The following PALD1 variants were observed in gnomAD, a reference collection of about 807,000 sequenced individuals.
PALD1 encodes phosphatase domain containing paladin 1, also known as paladin.
Under a neutral mutation model 96.0 loss-of-function variants are expected in PALD1, and 57 were observed. The observed-to-expected ratio is 0.59, with a 90% confidence interval of 0.48 to 0.74. The LOEUF is 0.74. Ranked by LOEUF, PALD1 falls within the 30% of genes least tolerant of loss-of-function variation. The probability of loss-of-function intolerance (pLI) is 0.00; values close to 1 mark genes in which losing one functional copy is unlikely to be tolerated. For synonymous variants in PALD1, 464 were observed against 473.6 expected, an observed-to-expected ratio of 0.98 and a Z score of 0.26; for missense variants, 1,063 against 1,143.7, an observed-to-expected ratio of 0.93 and a Z score of 1.02.
intron 19 of PALD1, among the ~76,000 whole-genome samples, chr10:70,566,060 C>G (rs1847842857): frequency 1.3e-5 from 2 of 152,164 alleles, no homozygotes; most frequent in African/African-American, 4.8e-5. Context: ...TAAGTGGAGG[C>G]TGCACCCTCC....
chr10:70,480,607 C>G (rs1223772481), intron 1 of PALD1, among the ~76,000 whole-genome samples: 1 of 152,244 alleles, frequency 6.6e-6, no homozygotes, highest in African/African-American at 2.4e-5. Flanking sequence ...CTCATTGTCC[C>G]TGGCAGGTTT....
chr10:70,545,306 G>A (rs1339354131), intron 17 of PALD1, among the ~76,000 whole-genome samples: 4 of 152,222 alleles, frequency 2.6e-5, no homozygotes, highest in South Asian at 2.1e-4. Flanking sequence ...ATCAAAGCCC[G>A]GGGATTATAC....
intron 1 of PALD1, among the ~76,000 whole-genome samples, chr10:70,499,098 C>T (rs1846247387): frequency 6.6e-6 from 1 of 152,122 alleles, no homozygotes; most frequent in African/African-American, 2.4e-5. Flanking sequence ...TTAACATTAT[C>T]CTTATTTTAC....
At chr10:70,561,969 G>A (rs1388551959) in intron 18 of PALD1, among the ~76,000 whole-genome samples, 1 of 152,210 alleles carries the variant, frequency 6.6e-6, no homozygotes, top group Non-Finnish European at 1.5e-5. Context: ...CAGGGCCTGT[G>A]AGTAGTTCAT....
chr10:70,534,581 T>A, intron 9 of PALD1, 57 bp downstream of exon 9: 1 of 1,307,184 alleles, frequency 7.7e-7, no homozygotes, highest in Non-Finnish European at 1.1e-6. Context: ...CGGTCACTCC[T>A]CTCACTGGTC....
Position 70,526,244 on chromosome 10 carries a change from G to A in PALD1, c.185+108G>A, listed in dbSNP as rs1211841779. 7 of 872,780 alleles carry A rather than the reference G, an allele frequency of 8.0e-6. No homozygotes were observed. In the African/African-American group the frequency reaches 8.3e-5, roughly 10 times the overall value. The allele number at this position is 872,780 out of a possible 1,614,324, so 54.1% of individuals were successfully genotyped here. On this transcript the variant is annotated intron_variant, in intron 2 of 19. Transcript: ENST00000263563. ...CACTTAACGCTTGCAGACTGGATTC[G>A]GGTTCATAGATGATGACACTGAGGC...
chr10:70,464,080 G>C, the PALD1 span, among the ~76,000 whole-genome samples: 119,535 of 152,156 alleles, frequency 0.79, 48,330 homozygotes, highest in Non-Finnish European at 0.9. Flanking sequence ...CCCTCGGGCC[G>C]CTCCCAGTCA....
At chr10:70,556,663 G>T (rs372416272) in intron 18 of PALD1, among the ~76,000 whole-genome samples, 1 of 152,268 alleles carries the variant, frequency 6.6e-6, no homozygotes, top group South Asian at 2.1e-4. Context: ...GGGCAAGCTG[G>T]TATTTCCATT....
At chr10:70,551,625 C>T (rs1439279627) in intron 18 of PALD1, among the ~76,000 whole-genome samples, 1 of 151,404 alleles carries the variant, frequency 6.6e-6, no homozygotes, top group Non-Finnish European at 1.5e-5. Context: ...ATTTCCTTTT[C>T]CTGGCCCCCT....
At chr10:70,497,811 G>A (rs1346358898) in intron 1 of PALD1, among the ~76,000 whole-genome samples, 6 of 152,086 alleles carry the variant, frequency 3.9e-5, no homozygotes, top group African/African-American at 1.2e-4. Flanking sequence ...TCCTGACCTC[G>A]TGATCTGCCC....
At chr10:70,520,357 A>C (rs561536444) in intron 1 of PALD1, among the ~76,000 whole-genome samples, 1 of 152,244 alleles carries the variant, frequency 6.6e-6, no homozygotes, top group Non-Finnish European at 1.5e-5. Flanking sequence ...CAAGATTGGA[A>C]TGGTGATGGT....
intron 1 of PALD1, among the ~76,000 whole-genome samples, chr10:70,479,609 A>ATACT (rs1176566795): frequency 2.0e-5 from 3 of 152,306 alleles, no homozygotes; most frequent in African/African-American, 7.2e-5. Flanking sequence ...AAGGGGCAGT[A>ATACT]ACCTGTCAGA....
At chr10:70,483,840 C>T (rs766730455) in intron 1 of PALD1, among the ~76,000 whole-genome samples, 3 of 152,152 alleles carry the variant, frequency 2.0e-5, no homozygotes, top group Non-Finnish European at 4.4e-5. Flanking sequence ...GATGTGTCCC[C>T]GGCTTTTTTT....
At chr10:70,564,272 C>T in intron 18 of PALD1, 92 bp from the exon 19 acceptor site, 2 of 1,364,532 alleles carry the variant, frequency 1.5e-6, no homozygotes, top group South Asian at 2.8e-5. Context: ...CTGGATCACC[C>T]TGCCCTGGCA....
At chr10:70,510,017 G>T (rs1846481296) in intron 1 of PALD1, among the ~76,000 whole-genome samples, 1 of 152,206 alleles carries the variant, frequency 6.6e-6, no homozygotes, top group Non-Finnish European at 1.5e-5. Context: ...AACTTCTAGT[G>T]GGGCTTTTTT....
Position 70,534,436 on chromosome 10 carries a change from C to T in PALD1, c.1034C>T (p.Thr345Met), listed in dbSNP as rs141167395. Residue 345 changes from threonine (T) to methionine (M), a missense_variant, in exon 9 of 20, where the codon ACG becomes ATG. Coordinates refer to ENST00000263563, the MANE Select transcript of PALD1 (RefSeq NM_014431.3). ...GTTSQPEAAPTQAKPLPMEQF... is the reference protein window; with the variant it reads ...GTTSQPEAAPMQAKPLPMEQF... ...CCCTGCCTCGACAGGGCTGCCCCCA[C>T]GCAGGCCAAGCCCCTGCCTATGGAG... is the stretch of plus-strand genomic sequence containing the variant. The T allele has an allele frequency of 1.7e-4, 278 of 1,609,306 alleles. 1 individual carries two copies. In the African/African-American group the frequency reaches 2.9e-3, roughly 17 times the overall value.
Position 70,515,512 on chromosome 10 carries a change from G to A in PALD1, c.-29-10411G>A, listed in dbSNP as rs140539159. 2.4e-4 allele frequency among the ~76,000 whole-genome samples: 37 copies of A among 152,368 alleles called. 1 individual carries two copies. The highest frequency in any genetic ancestry group is 7.5e-4 in the African/African-American group (31 of 41,588). On this transcript the variant is annotated intron_variant, in intron 1 of 19. Transcript: ENST00000263563. ...GGCCATTCACAGATGGCGCCTGGGCGAGGCCCCTGGTTCTAGTCCTGGTCC... is the reference window on the plus strand; with the variant it reads ...GGCCATTCACAGATGGCGCCTGGGCAAGGCCCCTGGTTCTAGTCCTGGTCC...
Position 70,538,373 on chromosome 10 carries a change from GT to G in PALD1, c.1418del (p.Val473GlyfsTer60), listed in dbSNP as rs752422119. ...CGTGACGCTGAGCTCAGCAGGCCCTGTGGCTCCGAGGGACCTCATCGCCAGG... is the reference window on the plus strand; with the variant it reads ...CGTGACGCTGAGCTCAGCAGGCCCTGGGCTCCGAGGGACCTCATCGCCAGG... ...LPVTLSSAGP[V>X]APRDLIARGS... On this transcript the variant is annotated frameshift_variant, in exon 12 of 20. Coordinates refer to ENST00000263563, the MANE Select transcript of PALD1 (RefSeq NM_014431.3). LOFTEE classifies it high-confidence loss of function. 2 of 1,611,528 alleles carry G rather than the reference GT, an allele frequency of 1.2e-6. No individual in the cohort carries two copies. Among genetic ancestry groups the G allele is most frequent in the Non-Finnish European group, 1.7e-6 (2 of 1,179,978 alleles).
intron 1 of PALD1, among the ~76,000 whole-genome samples, chr10:70,497,693 A>G (rs577777723): frequency 3.3e-5 from 5 of 151,484 alleles, no homozygotes; most frequent in Non-Finnish European, 5.9e-5. Context: ...CAGCCTCCCG[A>G]GTAGCTGGGA....
Sources: allele counts gnomAD v4.1 joint callset (sites outside exome capture counted in the v4.1 genomes callset), GRCh38; gene constraint gnomAD v4.1.1; transcripts MANE v1.5; gene names NCBI Gene and HGNC (gene_info 2026-07-23, HGNC 2026-07-21).